The following ARSH variants were observed in gnomAD, a reference collection of about 807,000 sequenced individuals.
ARSH encodes the protein arylsulfatase family member H, also known as arylsulfatase H.
ARSH carries 32 observed loss-of-function variants against 28.7 expected under a neutral mutation model. The observed-to-expected ratio is 1.11, with a 90% CI of 0.84 to 1.50. ARSH has a LOEUF of 1.50. Ranked by LOEUF, ARSH falls within the 40% of genes most tolerant of loss-of-function variation. The pLI, the probability that ARSH is intolerant of heterozygous loss-of-function variation, is 0.00. For missense variants in ARSH, 440 were observed against 452.4 expected (o/e 0.97, Z 0.25); for synonymous variants, 176 against 177.3 (o/e 0.99, Z 0.06).
chrX:3,030,113 G>A (rs1228764732), intron 8 of ARSH, among the ~76,000 whole-genome samples: 1 of 110,343 alleles, frequency 9.1e-6, no homozygotes, highest in Non-Finnish European at 1.9e-5. Context: ...CCGAGAGAAG[G>A]GGATATGCCC....
chrX:3,006,726 C>T, intron 1 of ARSH, 22 bp downstream of exon 1: 5 of 1,155,213 alleles, frequency 4.3e-6, no homozygotes, highest in Non-Finnish European at 5.9e-6. Flanking sequence ...CTCTGACCCC[C>T]TCCCTGTATG....
rs778422496 is a variant in ARSH at position 3,018,647 on chromosome X, T to C, written c.878T>C (p.Val293Ala). Residue 293 changes from valine to alanine, a missense_variant, in exon 5 of 9, where the codon GTA becomes GCA. Physicochemically the swap from Val to Ala is moderately conservative, Grantham distance 64. Transcript: ENST00000381130. ...AAATATGGCAGGTATGGGGACAATG[T>C]AGAAGAAATGGATTGGATGGTGGGT... ...RSKYGRYGDN[V>A]EEMDWMVGKI... is the part of the protein sequence containing the mutation. 22 of 1,208,642 alleles carry C rather than the reference T, an allele frequency of 1.8e-5. No homozygotes were observed. The Admixed American group carries it at 2.0e-4, about 11-fold the overall frequency.
chrX:3,033,159 A>T lies in ARSH; in HGVS notation c.1463A>T (p.Asp488Val). Residue 488 changes from aspartate (D) to valine (V), a missense_variant, in exon 9 of 9, where the codon GAC (aspartate) becomes GTC (valine). Physicochemically the swap from Asp to Val is radical, Grantham distance 152 (BLOSUM62 -3). Transcript: ENST00000381130. ...DPPLLFDISRDPSEALPLNPD... is the reference protein window; with the variant it reads ...DPPLLFDISRVPSEALPLNPD... Reference sequence around the variant, plus strand: ...CCACTCCTCTTTGACATCTCAAGAGACCCTTCAGAAGCCCTTCCACTGAAC... The same window carrying T: ...CCACTCCTCTTTGACATCTCAAGAGTCCCTTCAGAAGCCCTTCCACTGAAC... 8.3e-7 allele frequency: 1 copy of T among 1,211,012 alleles called. No individual in the cohort carries two copies.
intron 5 of ARSH, among the ~76,000 whole-genome samples, chrX:3,023,701 A>T (rs2089890708): frequency 9.3e-6 from 1 of 107,413 alleles, no homozygotes; most frequent in Non-Finnish European, 1.9e-5. Flanking sequence ...ACTATATATC[A>T]TACAATATAT....
intron 1 of ARSH, 66 bp from the exon 2 acceptor site, chrX:3,009,964 T>C: frequency 8.6e-7 from 1 of 1,162,635 alleles, no homozygotes. Flanking sequence ...AGAATAGCTT[T>C]GATCCTTGAT....
rs889035165 is a variant in ARSH at position 3,029,123 on chromosome X, G to A, written c.1200-124G>A. 24 of 680,854 alleles carry A rather than the reference G, an allele frequency of 3.5e-5. No individual in the cohort carries two copies. In the South Asian group the frequency reaches 8.5e-4, roughly 24 times the overall value. The allele number at this position is 680,854 out of a possible 1,213,427, so 56.1% of individuals were successfully genotyped here. A position where few individuals can be genotyped will look rare whatever the true frequency, so the allele number is the denominator to read the frequency against. Reference sequence around the variant, plus strand: ...AAGAAATTCTTCCTCTTTATCTTTCGCCTCCTTCTCTTCCTCCCCTTCCTT... The same window carrying A: ...AAGAAATTCTTCCTCTTTATCTTTCACCTCCTTCTCTTCCTCCCCTTCCTT... On this transcript the variant is annotated intron_variant, in intron 7 of 8. Coordinates refer to ENST00000381130, the MANE Select transcript of ARSH (RefSeq NM_001011719.2).
chrX:3,016,003 A>AT (rs776644529), intron 4 of ARSH, among the ~76,000 whole-genome samples: 479 of 99,150 alleles, frequency 4.8e-3, no homozygotes, highest in African/African-American at 0.012. Context: ...TAATGTTTTA[A>AT]TTTTTTTTTT....
chrX:3,020,094 T>C (rs1344114285), intron 5 of ARSH, among the ~76,000 whole-genome samples: 1 of 106,768 alleles, frequency 9.4e-6, no homozygotes, highest in Non-Finnish European at 1.9e-5. Context: ...GAGACCAGCC[T>C]GGGCAACATA....
rs1467560247 is a variant in ARSH at position 3,027,254 on chromosome X, C to T, written c.1037-59C>T. The T allele has an allele frequency of 2.6e-6, 3 of 1,172,245 alleles. No homozygotes were observed. In the African/African-American group the frequency reaches 5.3e-5, roughly 21 times the overall value. ...GGATTACAGGCGTGAGCCACCGTGCCCGGCCAATATGGTTGGGTTTTAACT... is the reference window on the plus strand; with the variant it reads ...GGATTACAGGCGTGAGCCACCGTGCTCGGCCAATATGGTTGGGTTTTAACT... On this transcript the variant is annotated intron_variant, in intron 6 of 8. Transcript: ENST00000381130.
chrX:3,033,586 G>T lies in ARSH; in HGVS notation c.*201G>T. The T allele has an allele frequency of 2.7e-6, 1 of 365,042 alleles. No homozygotes were observed. Among genetic ancestry groups the T allele is most frequent in the East Asian group, 4.7e-5 (1 of 21,349 alleles). 30.1% of individuals were successfully genotyped at this position (365,042 alleles called of 1,213,427 possible). ...ACAGTGAACCTGGAGGGGAGCATTT[G>T]TTGTATAATTTTTTTCTAGTATATA... is the stretch of plus-strand genomic sequence containing the variant. On this transcript the variant is annotated 3_prime_UTR_variant, in exon 9 of 9. Transcript: ENST00000381130.
At chrX:3,020,793 C>T (rs1425361736) in intron 5 of ARSH, among the ~76,000 whole-genome samples, 1 of 110,389 alleles carries the variant, frequency 9.1e-6, no homozygotes, top group Non-Finnish European at 1.9e-5. Flanking sequence ...TTAATTTAAT[C>T]TTTGCTGTGG....
chrX:3,012,568 AATATATATATAT>A (rs1183166715), intron 2 of ARSH, among the ~76,000 whole-genome samples: 2 of 21,812 alleles, frequency 9.2e-5, no homozygotes, highest in African/African-American at 5.0e-4. Context: ...AAAAAAAAAA[AATATATATATAT>A]ATATATATAT....
At chrX:3,015,692 AGAG>A (rs2089864232) in intron 4 of ARSH, among the ~76,000 whole-genome samples, 1 of 111,028 alleles carries the variant, frequency 9.0e-6, no homozygotes, top group Admixed American at 9.7e-5. Context: ...GCAAACTTCT[AGAG>A]GAGAGAGGGA....
Position 3,006,680 on chromosome X carries a change from G to A in ARSH, c.68G>A (p.Cys23Tyr), listed in dbSNP as rs2089828258. The A allele has an allele frequency of 8.3e-7, 1 of 1,210,310 alleles. No individual in the cohort carries two copies. Among genetic ancestry groups the A allele is most frequent in the Non-Finnish European group, 1.1e-6 (1 of 894,476 alleles). Residue 23 changes from cysteine to tyrosine, a missense_variant, in exon 1 of 9, where the codon TGC becomes TAC. By Grantham distance (194) the Cys-to-Tyr change is radical. Transcript: ENST00000381130. ...GATGACCTTGGAGTGGGGGATTTGT[G>A]CTGCTACGGTAATAACTCAGTGAGG... ...MADDLGVGDL[C>Y]CYGNNSVSTP...
intron 8 of ARSH, among the ~76,000 whole-genome samples, chrX:3,032,449 G>A (rs1383923252): frequency 9.7e-6 from 1 of 102,788 alleles, no homozygotes; most frequent in African/African-American, 3.6e-5. Flanking sequence ...GGGAAGGGAA[G>A]GAAGGGAAGT....
chrX:3,020,148 A>G (rs2089877638), intron 5 of ARSH, among the ~76,000 whole-genome samples: 1 of 106,433 alleles, frequency 9.4e-6, no homozygotes, highest in African/African-American at 3.4e-5. Flanking sequence ...TTAGCCAGGC[A>G]TGGTGTCACA....
rs888710563 is a variant in ARSH at position 3,007,955 on chromosome X, C to T, written c.92+1251C>T. Among the ~76,000 whole-genome samples the T allele has an allele frequency of 2.4e-4, 27 of 111,499 alleles. 1 individual carries two copies. The highest frequency in any genetic ancestry group is 9.4e-5 in the Non-Finnish European group (5 of 53,122). ...CCTATTGGATAAGGGTCCACTTTAA[C>T]GACCTCATGCTACCTTAATCACCTC... On this transcript the variant is annotated intron_variant, in intron 1 of 8. Transcript: ENST00000381130.
Position 3,015,312 on chromosome X carries a change from AC to A in ARSH, c.685del (p.His229MetfsTer8), listed in dbSNP as rs779253760. ...TRRWNCILMR[N>X]HEIIQQPMKE... The stretch of plus-strand genomic sequence containing the variant: ...CGTTGGAATTGCATCCTTATGAGGA[AC>A]CATGAAATTATCCAGCAGCCAATGA... On this transcript the variant is annotated frameshift_variant, in exon 4 of 9. Coordinates refer to ENST00000381130, the MANE Select transcript of ARSH (RefSeq NM_001011719.2). LOFTEE classifies it high-confidence loss of function. 4.6e-5 allele frequency: 56 copies of A among 1,210,110 alleles called. No homozygotes were observed. The highest frequency in any genetic ancestry group is 5.7e-5 in the Non-Finnish European group (51 of 895,271).
At chrX:3,020,535 G>A (rs1324828702) in intron 5 of ARSH, among the ~76,000 whole-genome samples, 2 of 93,010 alleles carry the variant, frequency 2.2e-5, no homozygotes, top group Non-Finnish European at 2.0e-5. Context: ...CTTGCAGTGA[G>A]CCGAGATTGT....
Sources: allele counts gnomAD v4.1 joint callset (sites outside exome capture counted in the v4.1 genomes callset), GRCh38; gene constraint gnomAD v4.1.1; transcripts MANE v1.5; gene names NCBI Gene and HGNC (gene_info 2026-07-23, HGNC 2026-07-21).